IQGAP2: variants seen among roughly 807,000 people sequenced by gnomAD.
IQGAP2 encodes the protein IQ motif containing GTPase activating protein 2, also known as ras GTPase-activating-like protein IQGAP2.
In IQGAP2, 173 loss-of-function variants were observed where a neutral mutation model predicts 201.3. The ratio of observed to expected loss-of-function variants is 0.86; its 90% CI spans 0.76 to 0.98. The LOEUF is 0.98. IQGAP2 is among the 50% of genes least tolerant of loss of function. The probability of loss-of-function intolerance (pLI) is 0.00; values close to 1 mark genes in which losing one functional copy is unlikely to be tolerated. For synonymous variants in IQGAP2, 675 were observed against 673.9 expected (o/e 1.00, Z -0.03); for missense variants, 1,687 against 1,864.8 (o/e 0.90, Z 1.76).
At chr5:76,456,287 T>G (rs561611502) in intron 1 of IQGAP2, among the ~76,000 whole-genome samples, 1 of 152,316 alleles carries the variant, frequency 6.6e-6, no homozygotes, top group Non-Finnish European at 1.5e-5. Flanking sequence ...TTCTTTAGAG[T>G]GCCTGTGAAT....
Position 76,654,207 on chromosome 5 carries a change from C to T in IQGAP2, c.2186C>T (p.Ser729Phe), listed in dbSNP as rs895091187. The T allele has an allele frequency of 1.2e-6, 2 of 1,606,814 alleles. No individual in the cohort carries two copies. Among genetic ancestry groups the T allele is most frequent in the African/African-American group, 1.3e-5 (1 of 74,810 alleles). The change falls in exon 19 of 36, where the codon TCC becomes TTC. Residue 729 changes from serine (S) to phenylalanine (F), a missense_variant. By Grantham distance (155) the Ser-to-Phe change is radical. Coordinates refer to ENST00000274364, the MANE Select transcript of IQGAP2 (RefSeq NM_006633.5). ...DNTDSIVKIQ[S>F]WFRMATARKS... The stretch of plus-strand genomic sequence containing the variant: ...TTTTTTAAAACCTTTCAGATTCAGT[C>T]CTGGTTCCGAATGGCAACTGCAAGA...
intron 2 of IQGAP2, among the ~76,000 whole-genome samples, chr5:76,483,393 C>T (rs1755907918): frequency 6.6e-6 from 1 of 152,174 alleles, no homozygotes; most frequent in Admixed American, 6.5e-5. Context: ...GTAAAGAAAG[C>T]ATCCATCAAG....
chr5:76,545,319 C>T (rs1743030167), intron 2 of IQGAP2, among the ~76,000 whole-genome samples: 1 of 152,170 alleles, frequency 6.6e-6, no homozygotes, highest in African/African-American at 2.4e-5. Context: ...TCTGAAATTG[C>T]ACCAGTTTCC....
chr5:76,543,738 T>C (rs1037950254), intron 2 of IQGAP2, among the ~76,000 whole-genome samples: 1 of 152,216 alleles, frequency 6.6e-6, no homozygotes, highest in Non-Finnish European at 1.5e-5. Flanking sequence ...AACAGTTTGT[T>C]TCCTGGCTTC....
chr5:76,489,847 C>G (rs1437558870), intron 2 of IQGAP2, among the ~76,000 whole-genome samples: 2 of 152,202 alleles, frequency 1.3e-5, no homozygotes, highest in Non-Finnish European at 2.9e-5. Context: ...GTTTCTGACT[C>G]CTGTTTCTCA....
chr5:76,660,497 C>T (rs1743155860), intron 21 of IQGAP2, among the ~76,000 whole-genome samples: 2 of 152,270 alleles, frequency 1.3e-5, no homozygotes, highest in South Asian at 4.2e-4. Flanking sequence ...CACGCTATCC[C>T]CATAAAATCA....
At chr5:76,651,396 A>T (rs1261699506) in intron 17 of IQGAP2, among the ~76,000 whole-genome samples, 1 of 152,178 alleles carries the variant, frequency 6.6e-6, no homozygotes, top group Admixed American at 6.5e-5. Context: ...TGAGTCCAGG[A>T]ATTCAAGACC....
chr5:76,546,762 T>C (rs999252758), intron 2 of IQGAP2, among the ~76,000 whole-genome samples: 3 of 152,134 alleles, frequency 2.0e-5, no homozygotes, highest in South Asian at 2.1e-4. Context: ...CGGACACACA[T>C]GTCAGGAAAG....
chr5:76,432,914 T>C (rs761544094), intron 1 of IQGAP2, among the ~76,000 whole-genome samples: 2 of 152,186 alleles, frequency 1.3e-5, no homozygotes, highest in Non-Finnish European at 1.5e-5. Context: ...GGCTTTTAGG[T>C]ATTTATTTCC....
chr5:76,681,434 G>T (rs550596287), intron 28 of IQGAP2, among the ~76,000 whole-genome samples: 1 of 151,834 alleles, frequency 6.6e-6, no homozygotes, highest in Non-Finnish European at 1.5e-5. Flanking sequence ...TTCCAGAGAA[G>T]TATACAGATG....
rs79971337 is a variant in IQGAP2, at chr5:76,407,307, T to A, written c.46+3716T>A. Among the ~76,000 whole-genome samples, 1,074 of 152,256 alleles carry A rather than the reference T, an allele frequency of 7.1e-3. 15 individuals are homozygous for A. Among genetic ancestry groups the A allele is most frequent in the African/African-American group, 0.025 (1,022 of 41,528 alleles). ...TTGGGTACTACTCTCTGCTCTTATC[T>A]GAATAGTGAAGTTACTAAGTTAGTT... On this transcript the variant is annotated intron_variant, in intron 1 of 35. Transcript: ENST00000274364.
chr5:76,702,825 G>A (rs573757748), intron 35 of IQGAP2, among the ~76,000 whole-genome samples: 1 of 151,556 alleles, frequency 6.6e-6, no homozygotes, highest in South Asian at 2.1e-4. Flanking sequence ...TCTAAGCCAT[G>A]TTTCCATTTT....
chr5:76,480,454 C>A (rs186198808), intron 2 of IQGAP2, among the ~76,000 whole-genome samples: 19 of 152,304 alleles, frequency 1.2e-4, no homozygotes, highest in Admixed American at 2.6e-4. Context: ...GAACCCAGAG[C>A]TTATCTTTTC....
intron 12 of IQGAP2, chr5:76,609,182 G>A: frequency 6.5e-7 from 1 of 1,535,970 alleles, no homozygotes. Flanking sequence ...ACTTCCAGGT[G>A]ATCGGCCTTG....
chr5:76,672,247 A>G (rs1411361647), intron 24 of IQGAP2, among the ~76,000 whole-genome samples: 2 of 152,144 alleles, frequency 1.3e-5, no homozygotes, highest in African/African-American at 4.8e-5. Context: ...CTAAACCTAG[A>G]CCTAGAGATG....
At chr5:76,703,466 T>C (rs1344464367) in intron 35 of IQGAP2, among the ~76,000 whole-genome samples, 4 of 152,056 alleles carry the variant, frequency 2.6e-5, no homozygotes, top group Admixed American at 1.3e-4. Flanking sequence ...CCTAGAATAG[T>C]TTTTACGTCA....
At chr5:76,456,565 C>A (rs572749968) in intron 1 of IQGAP2, among the ~76,000 whole-genome samples, 1 of 152,240 alleles carries the variant, frequency 6.6e-6, no homozygotes, top group East Asian at 1.9e-4. Flanking sequence ...GGAATCAGTT[C>A]TCTTCCTTCT....
rs568649220 is a variant in IQGAP2 at position 76,614,055 on chromosome 5, G to T, written c.1521+2872G>T. ...CACACCAAAGTCAGGATCTTCTGAG[G>T]ACAAATAGAGACAGACCTGGGTCCC... is the stretch of plus-strand genomic sequence containing the variant. On this transcript the variant is annotated intron_variant, in intron 13 of 35. Coordinates refer to ENST00000274364, the MANE Select transcript of IQGAP2 (RefSeq NM_006633.5). Among the ~76,000 whole-genome samples, 12 of 152,280 alleles carry T rather than the reference G, an allele frequency of 7.9e-5. No individual in the cohort carries two copies. In the East Asian group the frequency reaches 2.3e-3, roughly 29 times the overall value.
At position 76,637,068 on chromosome 5, in the gene IQGAP2, G is replaced by C; in HGVS notation, c.1815G>C (p.Leu605=). The C allele has an allele frequency of 6.2e-7, 1 of 1,611,108 alleles. No individual in the cohort carries two copies. Among genetic ancestry groups the C allele is most frequent in the Non-Finnish European group, 8.5e-7 (1 of 1,178,240 alleles). The change falls in exon 16 of 36, where the codon CTG becomes CTC. Residue 605 remains leucine (L), a synonymous_variant. Coordinates refer to ENST00000274364, the MANE Select transcript of IQGAP2 (RefSeq NM_006633.5). ...SSDGSWLKLN[L]HKKYDYYYNT... ...ACGGTTCATGGCTCAAACTCAACCT[G>C]CACAAAAAATATGACTACTATTACA...
Sources: gnomAD v4.1 joint callset for allele counts (sites outside exome capture counted in the v4.1 genomes callset) on GRCh38, gnomAD v4.1.1 for gene constraint, MANE v1.5 for transcripts, NCBI Gene and HGNC (gene_info 2026-07-23, HGNC 2026-07-21) for gene names.